Variants in DPP10 observed in about 807,000 individuals in gnomAD.
The protein encoded by DPP10 is dipeptidyl peptidase like 10.
A neutral mutation model predicts 120.9 loss-of-function variants in DPP10; 33 were observed. That is an observed-to-expected ratio of 0.27 (90% confidence interval 0.21 to 0.37). The LOEUF (loss-of-function observed/expected upper bound fraction) is 0.37, where lower values mean the gene tolerates loss of function less well. DPP10 is among the 10% of genes least tolerant of loss of function. DPP10 has a pLI of 1.00. For missense variants in DPP10, 816 were observed against 942.8 expected, an observed-to-expected ratio of 0.87 and a Z score of 1.76; for synonymous variants, 337 against 326.1, an observed-to-expected ratio of 1.03 and a Z score of -0.36.
At chr2:115,755,021 G>T (rs1679220706) in intron 11 of DPP10, among the ~76,000 whole-genome samples, 2 of 152,044 alleles carry the variant, frequency 1.3e-5, no homozygotes, top group Admixed American at 6.6e-5. Flanking sequence ...TTTGGCAAAT[G>T]CATATATCCC....
At chr2:115,323,163 C>T (rs936578519) in intron 2 of DPP10, among the ~76,000 whole-genome samples, 4 of 152,190 alleles carry the variant, frequency 2.6e-5, no homozygotes, top group African/African-American at 9.6e-5. Context: ...AATCCTACTT[C>T]TTTATCAACT....
intron 3 of DPP10, among the ~76,000 whole-genome samples, chr2:115,441,813 CTT>C (rs2072077038): frequency 7.3e-6 from 1 of 136,394 alleles, no homozygotes; most frequent in Admixed American, 7.1e-5. Context: ...TTTTTTCTTT[CTT>C]TCTTTTTTTT....
chr2:115,794,462 A>C (rs903560098), intron 19 of DPP10, among the ~76,000 whole-genome samples: 6 of 152,204 alleles, frequency 3.9e-5, no homozygotes, highest in Admixed American at 1.3e-4. Context: ...ACTCAAACTT[A>C]ATCTCGTAAC....
rs1574648199 is a variant in DPP10 at position 114,991,819 on chromosome 2, T to A, written c.61-317420T>A. Among the ~76,000 whole-genome samples the A allele has an allele frequency of 2.6e-5, 4 of 152,204 alleles. No homozygotes were observed. In the South Asian group the frequency reaches 6.2e-4, roughly 24 times the overall value. ...GCAGAGAGGGATTGTATGGAGGTTG[T>A]GAATGGTGACTATTAAAAACACTAA... On this transcript the variant is annotated intron_variant, in intron 1 of 25. Transcript: ENST00000410059.
chr2:114,984,649 A>T (rs1416691620), intron 1 of DPP10, among the ~76,000 whole-genome samples: 1 of 152,204 alleles, frequency 6.6e-6, no homozygotes, highest in African/African-American at 2.4e-5. Flanking sequence ...ATAAAACAGG[A>T]TTTAAATAGG....
chr2:114,869,020 C>T (rs910188433), intron 1 of DPP10, among the ~76,000 whole-genome samples: 2 of 152,102 alleles, frequency 1.3e-5, no homozygotes, highest in African/African-American at 4.8e-5. Flanking sequence ...AGTATGTGTA[C>T]TGCAGACAGC....
intron 5 of DPP10, among the ~76,000 whole-genome samples, chr2:115,527,405 A>C (rs537552886): frequency 6.6e-6 from 1 of 152,192 alleles, no homozygotes; most frequent in Non-Finnish European, 1.5e-5. Flanking sequence ...AGAATGGATC[A>C]TGCTTTTAAA....
At chr2:115,588,883 A>G (rs1228316816) in intron 5 of DPP10, among the ~76,000 whole-genome samples, 1 of 152,248 alleles carries the variant, frequency 6.6e-6, no homozygotes, top group Non-Finnish European at 1.5e-5. Context: ...TAACAATACA[A>G]AAATATATTC....
At chr2:115,307,050 G>C (rs528219492) in intron 1 of DPP10, among the ~76,000 whole-genome samples, 1 of 152,040 alleles carries the variant, frequency 6.6e-6, no homozygotes, top group East Asian at 1.9e-4. Context: ...TAGAACTCCA[G>C]CTCTCCTACT....
intron 1 of DPP10, among the ~76,000 whole-genome samples, chr2:115,194,325 A>T (rs548475268): frequency 1.1e-4 from 17 of 152,172 alleles, no homozygotes; most frequent in Non-Finnish European, 1.9e-4. Flanking sequence ...CCCAGGTTCA[A>T]GCAATTCTCC....
intron 1 of DPP10, among the ~76,000 whole-genome samples, chr2:114,558,642 GC>G (rs1471315318): frequency 2.0e-5 from 3 of 152,184 alleles, no homozygotes; most frequent in Admixed American, 2.0e-4. Context: ...TATGCTGAGT[GC>G]CCAGCCCAAT....
chr2:115,371,241 G>C (rs2065388512), intron 3 of DPP10, among the ~76,000 whole-genome samples: 1 of 152,038 alleles, frequency 6.6e-6, no homozygotes, highest in Non-Finnish European at 1.5e-5. Flanking sequence ...TGATTTTCAA[G>C]TTGAACTTTC....
chr2:115,410,821 A>G (rs563062618), intron 3 of DPP10, among the ~76,000 whole-genome samples: 2 of 152,314 alleles, frequency 1.3e-5, no homozygotes, highest in East Asian at 3.9e-4. Context: ...TTTAAATAAT[A>G]ATAATTAAAA....
intron 1 of DPP10, among the ~76,000 whole-genome samples, chr2:114,736,536 T>G (rs935136011): frequency 6.6e-6 from 1 of 152,144 alleles, no homozygotes; most frequent in Admixed American, 6.6e-5. Context: ...AACATTCAAT[T>G]TCATAAAAGA....
intron 2 of DPP10, among the ~76,000 whole-genome samples, chr2:115,326,204 G>A (rs2062355860): frequency 6.6e-6 from 1 of 151,976 alleles, no homozygotes; most frequent in South Asian, 2.1e-4. Flanking sequence ...ATGGCTTTTA[G>A]GTCAATGACA....
intron 5 of DPP10, among the ~76,000 whole-genome samples, chr2:115,587,089 CTTTT>C (rs756810925): frequency 3.8e-5 from 4 of 103,908 alleles, no homozygotes; most frequent in African/African-American, 1.5e-4. Flanking sequence ...TTTTCTCTTT[CTTTT>C]TTTTTTTTTT....
At chr2:115,384,556 GAGGAA>G (rs772806203) in intron 3 of DPP10, among the ~76,000 whole-genome samples, 19 of 66,790 alleles carry the variant, frequency 2.8e-4, no homozygotes, top group Non-Finnish European at 4.9e-4. Context: ...GGAAGAAGAA[GAGGAA>G]GAAGAAGAAG....
chr2:114,615,721 A>G (rs1166436827), intron 1 of DPP10, among the ~76,000 whole-genome samples: 1 of 152,166 alleles, frequency 6.6e-6, no homozygotes, highest in Non-Finnish European at 1.5e-5. Flanking sequence ...CTGGAAAACA[A>G]AGATAATTGT....
At chr2:115,529,489 A>G (rs2078336283) in intron 5 of DPP10, among the ~76,000 whole-genome samples, 2 of 148,806 alleles carry the variant, frequency 1.3e-5, no homozygotes, top group South Asian at 2.1e-4. Context: ...TTCAGTTTCA[A>G]TTTATTTTAT....
Sources: allele counts gnomAD v4.1 joint callset (sites outside exome capture counted in the v4.1 genomes callset), GRCh38; gene constraint gnomAD v4.1.1; transcripts MANE v1.5; gene names NCBI Gene and HGNC (gene_info 2026-07-23, HGNC 2026-07-21).